Variants in SMG6 observed in about 807,000 individuals in gnomAD.
SMG6 encodes the protein telomerase-binding protein EST1A.
SMG6 carries 66 observed loss-of-function variants against 142.2 expected under a neutral mutation model. That is an observed-to-expected ratio of 0.46 (90% CI 0.38 to 0.57). SMG6 has a LOEUF of 0.57. Among genes scored for constraint, SMG6 ranks in the 20% least tolerant of loss-of-function variants. The pLI, the probability that SMG6 is intolerant of heterozygous loss-of-function variation, is 0.00. For missense variants in SMG6, 1,793 were observed against 1,832.0 expected (o/e 0.98, Z 0.39); for synonymous variants, 779 against 702.4 (o/e 1.11, Z -1.72).
intron 10 of SMG6, among the ~76,000 whole-genome samples, chr17:2,223,350 A>C (rs2073230670): frequency 6.6e-6 from 1 of 152,250 alleles, no homozygotes. Context: ...TATTTTCTGA[A>C]CATAAGCTTC....
At chr17:2,102,528 A>ATTC (rs1358885239) in intron 13 of SMG6, among the ~76,000 whole-genome samples, 1 of 81,614 alleles carries the variant, frequency 1.2e-5, no homozygotes, top group African/African-American at 4.9e-5. Context: ...TGCTAATTTC[A>ATTC]TTTTTTTTTT....
chr17:2,291,199 C>T (rs1011596302), intron 6 of SMG6, among the ~76,000 whole-genome samples: 33 of 152,118 alleles, frequency 2.2e-4, no homozygotes, highest in Admixed American at 8.5e-4. Flanking sequence ...GGCGTGGTGG[C>T]GGGCGCCTGT....
chr17:2,144,998 C>T (rs945444247), intron 13 of SMG6, among the ~76,000 whole-genome samples: 13 of 152,162 alleles, frequency 8.5e-5, no homozygotes, highest in South Asian at 4.1e-4. Flanking sequence ...CTTTGGCACT[C>T]GCTTACTTTT....
intron 8 of SMG6, chr17:2,265,924 C>A: frequency 1.1e-6 from 1 of 916,678 alleles, no homozygotes; most frequent in Non-Finnish European, 1.3e-6. Context: ...CAGAACTTAG[C>A]CTTACCACCT....
chr17:2,084,556 C>A (rs763869656), intron 14 of SMG6, among the ~76,000 whole-genome samples: 10 of 152,192 alleles, frequency 6.6e-5, no homozygotes, highest in Non-Finnish European at 1.2e-4. Flanking sequence ...GCCACTCTAT[C>A]ACTGTTTCAG....
intron 9 of SMG6, chr17:2,240,073 G>C (rs1005880379): frequency 1.3e-5 from 2 of 152,196 alleles, no homozygotes; most frequent in African/African-American, 4.8e-5. Context: ...GGAGCCATAT[G>C]GCACCCCGAC....
At chr17:2,116,851 A>C (rs904072264) in intron 13 of SMG6, among the ~76,000 whole-genome samples, 5 of 129,452 alleles carry the variant, frequency 3.9e-5, no homozygotes, top group African/African-American at 9.9e-5. Flanking sequence ...GAAAAAAAAA[A>C]CACCCTATAA....
At chr17:2,153,504 C>T (rs1170947893) in intron 13 of SMG6, among the ~76,000 whole-genome samples, 1 of 152,228 alleles carries the variant, frequency 6.6e-6, no homozygotes, top group Non-Finnish European at 1.5e-5. Context: ...CTTATGCAAA[C>T]CCGCCCATCT....
chr17:2,241,672 T>G (rs926725115), intron 9 of SMG6, among the ~76,000 whole-genome samples: 1 of 152,196 alleles, frequency 6.6e-6, no homozygotes, highest in Non-Finnish European at 1.5e-5. Context: ...ATTATAGGCG[T>G]GAGCCACCGC....
Position 2,186,837 on chromosome 17 carries a change from G to A in SMG6, c.2987-6C>T. 1 of 1,613,792 alleles carries A rather than the reference G, an allele frequency of 6.2e-7. No individual in the cohort carries two copies. The highest frequency in any genetic ancestry group is 8.5e-7 in the Non-Finnish European group (1 of 1,179,868). ...CTCAGGAGAGGACAGCTGAGCTGCAGAGGCAAAGGGTGAGAACTGGGCCTA... is the reference window on the plus strand; with the variant it reads ...CTCAGGAGAGGACAGCTGAGCTGCAAAGGCAAAGGGTGAGAACTGGGCCTA... On this transcript the variant is annotated splice_polypyrimidine_tract_variant and splice_region_variant and intron_variant, in intron 11 of 18. Coordinates refer to ENST00000263073, the MANE Select transcript of SMG6 (RefSeq NM_017575.5).
rs2075240224 is a variant in SMG6 at position 2,299,994 on chromosome 17, G to GCGATTC, written c.753_758dup (p.Asn252_Arg253dup). The stretch of plus-strand genomic sequence containing the variant: ...CTGAGCTGGTGCTGCGCGTGCGGTA[G>GCGATTC]CGATTCCTTCGTTTGTCTGAGCGGG... On this transcript the variant is annotated inframe_insertion, in exon 2 of 19. Transcript: ENST00000263073. This position sits in a 1 kb window ranked among gnomAD's most constrained non-coding sequence, Gnocchi z 4.3. 6.2e-7 allele frequency: 1 copy of GCGATTC among 1,614,016 alleles called. No homozygotes were observed. Among genetic ancestry groups the GCGATTC allele is most frequent in the Admixed American group, 1.7e-5 (1 of 60,006 alleles).
chr17:2,188,519 C>T lies in SMG6; in HGVS notation c.2870-4G>A, dbSNP rs368125176. 3.1e-5 allele frequency: 50 copies of T among 1,612,238 alleles called. No individual in the cohort carries two copies. Among genetic ancestry groups the T allele is most frequent in the Middle Eastern group, 1.6e-4 (1 of 6,072 alleles). On this transcript the variant is annotated splice_polypyrimidine_tract_variant and splice_region_variant and intron_variant, in intron 10 of 18. Transcript: ENST00000263073. Reference sequence around the variant, plus strand: ...CGGCACTCCTCCGAGAAGCAGTCTGCGGACAGGCAAATGAAACTCTCAGCG... The same window carrying T: ...CGGCACTCCTCCGAGAAGCAGTCTGTGGACAGGCAAATGAAACTCTCAGCG...
chr17:2,299,286 AC>A lies in SMG6; in HGVS notation c.1466del (p.Gly489ValfsTer76). ...TDDEVSPTSW[G>X]DSRQAQASYY... ...AAGATGCCTGAGCCTGGCGTGAGTC[AC>A]CCCAAGATGTAGGGCTGACTTCATC... On this transcript the variant is annotated frameshift_variant, in exon 2 of 19. Transcript: ENST00000263073. LOFTEE classifies it high-confidence loss of function. This position sits in a 1 kb window ranked among gnomAD's most constrained non-coding sequence, Gnocchi z 4.3. The A allele has an allele frequency of 1.2e-6, 2 of 1,614,000 alleles. No homozygotes were observed. Among genetic ancestry groups the A allele is most frequent in the African/African-American group, 2.7e-5 (2 of 74,976 alleles).
chr17:2,198,058 G>A (rs2072386772), intron 10 of SMG6, among the ~76,000 whole-genome samples: 1 of 152,134 alleles, frequency 6.6e-6, no homozygotes, highest in South Asian at 2.1e-4. Context: ...TATTCATAAT[G>A]GCCCCAAACT....
intron 8 of SMG6, among the ~76,000 whole-genome samples, chr17:2,262,938 T>C (rs765428003): frequency 6.6e-6 from 1 of 151,716 alleles, no homozygotes; most frequent in Non-Finnish European, 1.5e-5. Flanking sequence ...AATGGGCAAG[T>C]GAAAAGAGAA....
intron 8 of SMG6, among the ~76,000 whole-genome samples, chr17:2,275,173 G>A (rs1050162753): frequency 2.6e-5 from 4 of 152,192 alleles, no homozygotes; most frequent in African/African-American, 7.2e-5. Flanking sequence ...TGTCATCCCA[G>A]CACTTTGGCA....
intron 8 of SMG6, among the ~76,000 whole-genome samples, chr17:2,257,766 C>T (rs1465641242): frequency 6.6e-6 from 1 of 151,920 alleles, no homozygotes; most frequent in Non-Finnish European, 1.5e-5. Context: ...TGCTTGTAAT[C>T]CCAGCACTTT....
At chr17:2,088,549 T>C (rs1369080661) in intron 13 of SMG6, 1 of 985,342 alleles carries the variant, frequency 1.0e-6, no homozygotes, top group East Asian at 1.1e-4. Flanking sequence ...AAGGCTGTGA[T>C]CTACTGGGGT....
At chr17:2,260,950 C>G (rs2074297705) in intron 8 of SMG6, among the ~76,000 whole-genome samples, 1 of 149,922 alleles carries the variant, frequency 6.7e-6, no homozygotes, top group Admixed American at 6.7e-5. Context: ...GAGACGAGAT[C>G]ATGCCATTCC....
Sources: gnomAD v4.1 joint callset for allele counts (sites outside exome capture counted in the v4.1 genomes callset) on GRCh38, gnomAD v4.1.1 for gene constraint, Gnocchi (gnomAD v3.1) non-coding constraint, MANE v1.5 for transcripts, NCBI Gene and HGNC (gene_info 2026-07-23, HGNC 2026-07-21) for gene names.